FOXP1: variants seen among roughly 807,000 people sequenced by gnomAD.
FOXP1 encodes the protein forkhead box P1.
A neutral mutation model predicts 98.2 loss-of-function variants in FOXP1; 15 were observed. That is an observed-to-expected ratio of 0.15 (90% CI 0.10 to 0.24). FOXP1 has a LOEUF of 0.24. Among genes scored for constraint, FOXP1 ranks in the 10% least tolerant of loss-of-function variants. The probability of loss-of-function intolerance (pLI) is 1.00; values close to 1 mark genes in which losing one functional copy is unlikely to be tolerated. For synonymous variants in FOXP1, 371 were observed against 314.5 expected, an observed-to-expected ratio of 1.18 and a Z score of -1.90; for missense variants, 633 against 848.5, an observed-to-expected ratio of 0.75 and a Z score of 3.15.
At chr3:70,970,665 C>T in intron 19 of FOXP1, 71 bp downstream of exon 19, 17 of 1,180,402 alleles carry the variant, frequency 1.4e-5, no homozygotes, top group Non-Finnish European at 2.0e-5. Context: ...TAGAGCAAGG[C>T]TAATATATTT....
intron 2 of FOXP1, among the ~76,000 whole-genome samples, chr3:71,532,867 G>C (rs1467523055): frequency 6.6e-6 from 1 of 152,150 alleles, no homozygotes; most frequent in Non-Finnish European, 1.5e-5. Flanking sequence ...TTGTTTTTAA[G>C]CATACATTTT....
chr3:71,080,890 T>C (rs570898216), intron 7 of FOXP1, among the ~76,000 whole-genome samples: 22 of 152,202 alleles, frequency 1.4e-4, no homozygotes, highest in Non-Finnish European at 2.6e-4. Context: ...GCAGTAGTAG[T>C]TATGATTTGA....
chr3:71,302,558 C>T (rs1276810653), intron 4 of FOXP1, among the ~76,000 whole-genome samples: 1 of 150,770 alleles, frequency 6.6e-6, no homozygotes, highest in Non-Finnish European at 1.5e-5. Flanking sequence ...ATACATTCCC[C>T]TCCAGCCCAC....
chr3:71,155,022 G>A (rs2060751934), intron 6 of FOXP1, among the ~76,000 whole-genome samples: 1 of 152,166 alleles, frequency 6.6e-6, no homozygotes, highest in African/African-American at 2.4e-5. Flanking sequence ...CCTAACCACA[G>A]TGAGGTCAGA....
intron 3 of FOXP1, among the ~76,000 whole-genome samples, chr3:71,394,161 T>C (rs2081225277): frequency 6.6e-6 from 1 of 152,236 alleles, no homozygotes; most frequent in African/African-American, 2.4e-5. Flanking sequence ...AAATTGTTCA[T>C]ATGCACCAGC....
intron 3 of FOXP1, among the ~76,000 whole-genome samples, chr3:71,396,390 C>A (rs1200497450): frequency 6.6e-6 from 1 of 152,118 alleles, no homozygotes; most frequent in Non-Finnish European, 1.5e-5. Flanking sequence ...AGGAAGCAGA[C>A]ACACTATTAT....
At chr3:71,345,781 C>T (rs1207916620) in intron 4 of FOXP1, among the ~76,000 whole-genome samples, 2 of 146,392 alleles carry the variant, frequency 1.4e-5, no homozygotes, top group African/African-American at 5.0e-5. Context: ...GATGGGGGAG[C>T]TGGTCCTGAA....
intron 7 of FOXP1, among the ~76,000 whole-genome samples, chr3:71,093,624 T>C (rs2056141626): frequency 6.6e-6 from 1 of 151,370 alleles, no homozygotes; most frequent in African/African-American, 2.4e-5. Context: ...TGCAATTCTC[T>C]ACTTCAGTAC....
At chr3:71,582,342 C>T (rs1198421378) in intron 1 of FOXP1, 4 of 968,692 alleles carry the variant, frequency 4.1e-6, no homozygotes. Flanking sequence ...GACCGCGACC[C>T]CGCGGCAACT....
intron 7 of FOXP1, chr3:71,064,725 G>C: frequency 7.3e-6 from 6 of 827,040 alleles, no homozygotes; most frequent in Non-Finnish European, 8.8e-6. Flanking sequence ...CAGAACCCTC[G>C]GGCTCTCCTG....
Position 70,957,268 on chromosome 3 carries a change from T to C in FOXP1, c.*1979A>G, listed in dbSNP as rs2032054717. Reference sequence around the variant, plus strand: ...TTAAGAGAATGAGTTTTGGTCTCTGTAGAGGTACACAAAAAGAAAAAGGAA... The same window carrying C: ...TTAAGAGAATGAGTTTTGGTCTCTGCAGAGGTACACAAAAAGAAAAAGGAA... On this transcript the variant is annotated 3_prime_UTR_variant, in exon 21 of 21. Coordinates refer to ENST00000649528, the MANE Select transcript of FOXP1 (RefSeq NM_001349338.3). 1 of 226,218 alleles carries C rather than the reference T, an allele frequency of 4.4e-6. No homozygotes were observed. Among genetic ancestry groups the C allele is most frequent in the South Asian group, 1.8e-4 (1 of 5,458 alleles). 14.0% of individuals were successfully genotyped at this position (226,218 alleles called of 1,614,324 possible). A position where few individuals can be genotyped will look rare whatever the true frequency, so the allele number is the denominator to read the frequency against.
At chr3:71,348,522 C>CGTGT (rs772944612) in intron 4 of FOXP1, among the ~76,000 whole-genome samples, 14,590 of 69,844 alleles carry the variant, frequency 0.21, 758 homozygotes, top group South Asian at 0.32. Context: ...TGTGTGTGTG[C>CGTGT]GTGTGTGTGT....
chr3:71,021,370 T>G (rs2045407249), intron 11 of FOXP1, among the ~76,000 whole-genome samples: 1 of 152,244 alleles, frequency 6.6e-6, no homozygotes, highest in Non-Finnish European at 1.5e-5. Context: ...TAGCATTTAC[T>G]AGTACTTTAT....
chr3:71,221,647 C>A (rs1235069025), intron 5 of FOXP1, among the ~76,000 whole-genome samples: 1 of 152,176 alleles, frequency 6.6e-6, no homozygotes, highest in Non-Finnish European at 1.5e-5. Context: ...GCATTTTAGT[C>A]TATATATAAA....
chr3:71,331,185 C>T (rs2076273331), intron 4 of FOXP1, among the ~76,000 whole-genome samples: 1 of 152,204 alleles, frequency 6.6e-6, no homozygotes, highest in Non-Finnish European at 1.5e-5. Flanking sequence ...TGGGCCAGCG[C>T]GAGTTCTGGG....
intron 20 of FOXP1, among the ~76,000 whole-genome samples, chr3:70,960,268 T>C (rs926077786): frequency 6.6e-6 from 1 of 152,050 alleles, no homozygotes; most frequent in Non-Finnish European, 1.5e-5. Flanking sequence ...AACACAACAA[T>C]ATGATAAGAA....
intron 7 of FOXP1, among the ~76,000 whole-genome samples, chr3:71,077,951 GC>G (rs1362355869): frequency 6.6e-6 from 1 of 151,820 alleles, no homozygotes; most frequent in Admixed American, 6.6e-5. Context: ...TCCTGTTTCA[GC>G]CTCCCGAGTA....
At chr3:71,205,383 T>A (rs2063959168) in intron 5 of FOXP1, among the ~76,000 whole-genome samples, 1 of 152,226 alleles carries the variant, frequency 6.6e-6, no homozygotes, top group Admixed American at 6.5e-5. Context: ...AAAAATGATT[T>A]ATGTATTATC....
At chr3:71,109,478 A>G (rs2057730151) in intron 7 of FOXP1, among the ~76,000 whole-genome samples, 1 of 151,314 alleles carries the variant, frequency 6.6e-6, no homozygotes, top group South Asian at 2.1e-4. Context: ...CTTCCCTGTC[A>G]AGCCTTCCTC....
Sources: allele counts gnomAD v4.1 joint callset (sites outside exome capture counted in the v4.1 genomes callset), GRCh38; gene constraint gnomAD v4.1.1; transcripts MANE v1.5; gene names NCBI Gene and HGNC (gene_info 2026-07-23, HGNC 2026-07-21).